The following LCOR variants were observed in gnomAD, a reference collection of about 807,000 sequenced individuals.
The protein encoded by LCOR is ligand-dependent corepressor.
A neutral mutation model predicts 64.4 loss-of-function variants in LCOR; 14 were observed. That is an observed-to-expected ratio of 0.22 (90% CI 0.14 to 0.34). The LOEUF is 0.34. Among genes scored for constraint, LCOR ranks in the 10% least tolerant of loss-of-function variants. The probability of loss-of-function intolerance (pLI) is 1.00; values close to 1 mark genes in which losing one functional copy is unlikely to be tolerated. For missense variants in LCOR, 1,686 were observed against 1,765.3 expected (o/e 0.96, Z 0.80); for synonymous variants, 643 against 642.5 (o/e 1.00, Z -0.01).
chr10:96,975,571 T>C (rs1488452709), intron 7 of LCOR, among the ~76,000 whole-genome samples: 1 of 151,634 alleles, frequency 6.6e-6, no homozygotes, highest in Non-Finnish European at 1.5e-5. Flanking sequence ...GGAAGCATCC[T>C]AGATGTCCCT....
intron 7 of LCOR, among the ~76,000 whole-genome samples, chr10:96,968,508 A>G (rs1389734510): frequency 6.6e-6 from 1 of 152,252 alleles, no homozygotes; most frequent in African/African-American, 2.4e-5. Context: ...TATTGAAAGC[A>G]TATAAAACCT....
intron 2 of LCOR, among the ~76,000 whole-genome samples, chr10:96,848,574 C>T (rs770785845): frequency 2.0e-5 from 3 of 152,150 alleles, no homozygotes; most frequent in Non-Finnish European, 4.4e-5. Context: ...GGGAGAATCA[C>T]TTGAACCTGG....
chr10:96,947,008 T>G (rs891434225), intron 5 of LCOR, among the ~76,000 whole-genome samples: 3 of 152,120 alleles, frequency 2.0e-5, no homozygotes, highest in African/African-American at 7.2e-5. Context: ...ATAGTTCATA[T>G]GGAGATTTAT....
At chr10:96,911,285 A>G (rs1846830053) in intron 4 of LCOR, among the ~76,000 whole-genome samples, 1 of 151,792 alleles carries the variant, frequency 6.6e-6, no homozygotes. Context: ...TTTAGTAGAG[A>G]CAGGGTTTTA....
Position 96,873,068 on chromosome 10 carries a change from A to AAT in LCOR, c.-329-34197_-329-34196insAT, listed in dbSNP as rs1554833472. Among the ~76,000 whole-genome samples, 13 of 152,184 alleles carry AAT rather than the reference A, an allele frequency of 8.5e-5. No individual in the cohort carries two copies. The Middle Eastern group carries it at 0.014, about 159-fold the overall frequency. On this transcript the variant is annotated intron_variant, in intron 2 of 7. Coordinates refer to ENST00000421806, the MANE Select transcript of LCOR (RefSeq NM_001346516.2). ...GGTGAGCAAAGGGCTAAAAGGGATG[A>AAT]GTGGAGGGATGGATGGTTGGAAGGA...
intron 4 of LCOR, among the ~76,000 whole-genome samples, chr10:96,935,989 A>G (rs866394511): frequency 4.6e-5 from 7 of 152,262 alleles, no homozygotes; most frequent in South Asian, 2.1e-4. Context: ...AGGTGAAATG[A>G]CAGACCTATT....
chr10:96,931,538 T>C (rs929569861), intron 4 of LCOR, among the ~76,000 whole-genome samples: 9 of 152,094 alleles, frequency 5.9e-5, no homozygotes, highest in Non-Finnish European at 1.2e-4. Flanking sequence ...CCTGGCAGCA[T>C]TGGTAGTTTC....
At chr10:96,915,154 A>G (rs1846916079) in intron 4 of LCOR, among the ~76,000 whole-genome samples, 1 of 152,212 alleles carries the variant, frequency 6.6e-6, no homozygotes, top group African/African-American at 2.4e-5. Context: ...ACATTCTATT[A>G]GTGACCTATG....
intron 4 of LCOR, among the ~76,000 whole-genome samples, chr10:96,937,144 T>A (rs996125542): frequency 6.6e-6 from 1 of 152,090 alleles, no homozygotes; most frequent in Non-Finnish European, 1.5e-5. Context: ...AGAAAGAGAC[T>A]TGGAGACACA....
Position 96,985,038 on chromosome 10 carries a change from G to A in LCOR, c.4578G>A (p.Thr1526=), listed in dbSNP as rs1564646909. The change falls in exon 8 of 8, where the codon ACG becomes ACA. Residue 1526 remains threonine (T), a synonymous_variant. Transcript: ENST00000421806. ...SSGKTRARPS[T]KTPESSAAQR... is the part of the protein sequence containing the mutation. ...GAAAGACTCGGGCCAGACCCTCAACGAAAACCCCAGAGAGCAGTGCAGCTC... is the reference window on the plus strand; with the variant it reads ...GAAAGACTCGGGCCAGACCCTCAACAAAAACCCCAGAGAGCAGTGCAGCTC... 6 of 1,614,188 alleles carry A rather than the reference G, an allele frequency of 3.7e-6. No individual in the cohort carries two copies. Among genetic ancestry groups the A allele is most frequent in the East Asian group, 4.5e-5 (2 of 44,876 alleles).
chr10:96,947,300 A>C (rs1432909844), intron 5 of LCOR, among the ~76,000 whole-genome samples: 1 of 152,054 alleles, frequency 6.6e-6, no homozygotes, highest in Non-Finnish European at 1.5e-5. Flanking sequence ...AGCCTCATTA[A>C]ACTCCAGAAG....
At chr10:96,930,036 C>G (rs1311150355) in intron 4 of LCOR, among the ~76,000 whole-genome samples, 1 of 152,156 alleles carries the variant, frequency 6.6e-6, no homozygotes, top group Non-Finnish European at 1.5e-5. Context: ...GGAATCACCA[C>G]TGTGAATAGT....
intron 5 of LCOR, among the ~76,000 whole-genome samples, chr10:96,944,852 C>CT (rs1458740866): frequency 6.6e-6 from 1 of 151,902 alleles, no homozygotes; most frequent in Non-Finnish European, 1.5e-5. Flanking sequence ...TTTTACATTT[C>CT]TTTCAAAATA....
intron 7 of LCOR, among the ~76,000 whole-genome samples, chr10:96,977,057 C>A (rs1357214115): frequency 6.7e-6 from 1 of 150,108 alleles, no homozygotes; most frequent in East Asian, 1.9e-4. Flanking sequence ...ATTGAAAAGG[C>A]ACCCACTTAT....
intron 1 of LCOR, among the ~76,000 whole-genome samples, chr10:96,832,648 A>G (rs1414648725): frequency 7.3e-6 from 1 of 137,284 alleles, no homozygotes; most frequent in Admixed American, 7.2e-5. Context: ...TCTCGGCGGG[A>G]GCGCGGGTTC....
chr10:96,840,126 A>T (rs1845514331), intron 2 of LCOR, among the ~76,000 whole-genome samples: 1 of 152,330 alleles, frequency 6.6e-6, no homozygotes, highest in African/African-American at 2.4e-5. Flanking sequence ...TTAAGGATGA[A>T]ACTAAGTATC....
rs1328345675 is a variant in LCOR at position 96,981,846 on chromosome 10, G to A, written c.1386G>A (p.Arg462=). The A allele has an allele frequency of 6.8e-6, 11 of 1,614,098 alleles. No individual in the cohort carries two copies. The highest frequency in any genetic ancestry group is 9.3e-6 in the Non-Finnish European group (11 of 1,180,046). The change falls in exon 8 of 8, where the codon AGG becomes AGA. Residue 462 remains arginine, a synonymous_variant. Transcript: ENST00000421806. The part of the protein sequence containing the change: ...ARKSKRASGL[R]INDYDNQCDV... ...AAAGTAAAAGGGCATCAGGGCTGAG[G>A]ATAAATGATTATGATAACCAGTGTG...
Position 96,984,779 on chromosome 10 carries a change from G to A in LCOR, c.4319G>A (p.Arg1440Lys). 6.2e-7 allele frequency: 1 copy of A among 1,613,782 alleles called. No homozygotes were observed. The change falls in exon 8 of 8, where the codon AGG becomes AAG. Residue 1440 changes from arginine (R) to lysine (K), a missense_variant. By Grantham distance (26) the Arg-to-Lys change is conservative. Transcript: ENST00000421806. ...KTPAAKRPAA[R>K]DRSSQPPKKT... ...CCTGCTGCCAAGAGGCCAGCTGCAA[G>A]GGACAGAAGCAGCCAACCCCCCAAA...
At chr10:96,961,889 G>T (rs1221271082) in intron 7 of LCOR, 1 of 150,748 alleles carries the variant, frequency 6.6e-6, no homozygotes, top group Non-Finnish European at 1.5e-5. Context: ...TCATCCAGGT[G>T]ACGTTTTTTA....
Sources: gnomAD v4.1 joint callset for allele counts (sites outside exome capture counted in the v4.1 genomes callset) on GRCh38, gnomAD v4.1.1 for gene constraint, MANE v1.5 for transcripts, NCBI Gene and HGNC (gene_info 2026-07-23, HGNC 2026-07-21) for gene names.